Variants in TMEM117 observed in about 807,000 individuals in gnomAD.
The protein encoded by TMEM117 is transmembrane protein 117.
Under a neutral mutation model 52.4 loss-of-function variants are expected in TMEM117, and 27 were observed. The ratio of observed to expected loss-of-function variants is 0.51; its 90% CI spans 0.38 to 0.71. The LOEUF (loss-of-function observed/expected upper bound fraction) is 0.71. TMEM117 is among the 30% of genes least tolerant of loss of function. The pLI is 0.00. For missense variants in TMEM117, 556 were observed against 630.5 expected, an observed-to-expected ratio of 0.88 and a Z score of 1.26; for synonymous variants, 215 against 206.3, an observed-to-expected ratio of 1.04 and a Z score of -0.36.
chr12:44,143,685 G>A lies in TMEM117; in HGVS notation c.510+61G>A, dbSNP rs999043624. The A allele has an allele frequency of 5.0e-6, 6 of 1,194,334 alleles. No homozygotes were observed. In the African/African-American group the frequency reaches 7.6e-5, roughly 15 times the overall value. The allele number at this position is 1,194,334 out of a possible 1,614,324, so 74.0% of individuals were successfully genotyped here. On this transcript the variant is annotated intron_variant, in intron 4 of 7. Transcript: ENST00000266534. ...AAACGGAAGACATGTTCACAGTGTT[G>A]GACAGACACTGCTTTTGATGATGTA... is the stretch of plus-strand genomic sequence containing the variant.
At chr12:43,952,291 T>C (rs914343238) in intron 3 of TMEM117, among the ~76,000 whole-genome samples, 2 of 152,030 alleles carry the variant, frequency 1.3e-5, no homozygotes, top group African/African-American at 4.8e-5. Context: ...GAAGCTGAGA[T>C]GGATGAACTG....
intron 6 of TMEM117, among the ~76,000 whole-genome samples, chr12:44,333,390 G>T (rs985216512): frequency 2.0e-5 from 3 of 151,964 alleles, no homozygotes; most frequent in Non-Finnish European, 4.4e-5. Context: ...AATACATATT[G>T]ATATGGTTTG....
intron 4 of TMEM117, among the ~76,000 whole-genome samples, chr12:44,161,483 T>C (rs112393311): frequency 2.0e-5 from 3 of 152,324 alleles, no homozygotes; most frequent in African/African-American, 7.2e-5. Context: ...TTATTGCTCC[T>C]ATTTCCTTAA....
chr12:44,132,479 T>G (rs1374653888), intron 3 of TMEM117, among the ~76,000 whole-genome samples: 2 of 152,112 alleles, frequency 1.3e-5, no homozygotes, highest in Admixed American at 6.6e-5. Context: ...AGGATCATTT[T>G]TCTCTTTCAT....
the TMEM117 span, chr12:43,806,072 C>A: frequency 1.5e-5 from 23 of 1,516,848 alleles, 1 homozygote; most frequent in Non-Finnish European, 1.9e-5. Context: ...GAAGCAGGAG[C>A]GCGGAGAGGC....
chr12:43,907,091 T>C (rs1230761658), intron 2 of TMEM117, among the ~76,000 whole-genome samples: 1 of 152,104 alleles, frequency 6.6e-6, no homozygotes, highest in Non-Finnish European at 1.5e-5. Context: ...GACTTAAATG[T>C]CCCTGTCTGA....
At chr12:44,219,139 A>G (rs1949756601) in intron 5 of TMEM117, among the ~76,000 whole-genome samples, 1 of 152,204 alleles carries the variant, frequency 6.6e-6, no homozygotes, top group Admixed American at 6.5e-5. Flanking sequence ...GAGTTTATCT[A>G]CTTATGTTCT....
At chr12:44,008,393 C>A (rs1318596897) in intron 3 of TMEM117, among the ~76,000 whole-genome samples, 1 of 152,144 alleles carries the variant, frequency 6.6e-6, no homozygotes, top group African/African-American at 2.4e-5. Context: ...GTAAAGATAT[C>A]TCATAGCTAT....
intron 3 of TMEM117, among the ~76,000 whole-genome samples, chr12:43,949,783 G>C (rs947288822): frequency 2.0e-5 from 3 of 152,268 alleles, no homozygotes; most frequent in African/African-American, 7.2e-5. Flanking sequence ...ACTTAGCACA[G>C]GCAAGCATCA....
intron 3 of TMEM117, among the ~76,000 whole-genome samples, chr12:44,060,489 G>A (rs1019270614): frequency 1.3e-5 from 2 of 152,132 alleles, no homozygotes; most frequent in African/African-American, 4.8e-5. Context: ...AACAGTGCAG[G>A]AAACAGCTAA....
intron 2 of TMEM117, among the ~76,000 whole-genome samples, chr12:43,913,831 GAT>G (rs1391445489): frequency 6.6e-6 from 1 of 152,086 alleles, no homozygotes; most frequent in African/African-American, 2.4e-5. Context: ...CAGAATATAA[GAT>G]ATGTTTTATT....
At chr12:43,872,813 C>A (rs1943729244) in intron 2 of TMEM117, among the ~76,000 whole-genome samples, 4 of 152,108 alleles carry the variant, frequency 2.6e-5, no homozygotes, top group Admixed American at 2.0e-4. Context: ...TTCTTAATAC[C>A]TTAATAGCAA....
chr12:44,094,296 C>CA (rs1947721371), intron 3 of TMEM117, among the ~76,000 whole-genome samples: 1 of 152,016 alleles, frequency 6.6e-6, no homozygotes, highest in Non-Finnish European at 1.5e-5. Flanking sequence ...ATGTCAATGT[C>CA]AAACTTAAAA....
chr12:44,363,117 A>C (rs1951744366), intron 6 of TMEM117, among the ~76,000 whole-genome samples: 1 of 152,196 alleles, frequency 6.6e-6, no homozygotes, highest in Non-Finnish European at 1.5e-5. Context: ...CCATCATGCA[A>C]AAACACTCAT....
chr12:44,204,485 T>C (rs1326242599), intron 4 of TMEM117, among the ~76,000 whole-genome samples: 1 of 152,168 alleles, frequency 6.6e-6, no homozygotes, highest in Non-Finnish European at 1.5e-5. Flanking sequence ...TTAAAATTGC[T>C]GTATTTTCTG....
At chr12:44,122,064 G>C (rs74726951) in intron 3 of TMEM117, among the ~76,000 whole-genome samples, 3 of 82,840 alleles carry the variant, frequency 3.6e-5, no homozygotes, top group African/African-American at 2.0e-4. Context: ...TTTTTTTTTT[G>C]AGACAGAGTC....
chr12:44,027,375 T>C (rs901095976), intron 3 of TMEM117, among the ~76,000 whole-genome samples: 6 of 151,892 alleles, frequency 4.0e-5, no homozygotes, highest in South Asian at 2.1e-4. Flanking sequence ...GGTTTCACCA[T>C]GTTGGCCAGG....
intron 6 of TMEM117, among the ~76,000 whole-genome samples, chr12:44,345,550 G>A (rs1428717429): frequency 1.3e-5 from 2 of 152,048 alleles, no homozygotes; most frequent in Non-Finnish European, 2.9e-5. Context: ...TGTAAAATGT[G>A]GAGCACAAAA....
intron 3 of TMEM117, among the ~76,000 whole-genome samples, chr12:43,954,928 T>G (rs1291928176): frequency 6.6e-6 from 1 of 152,152 alleles, no homozygotes; most frequent in Non-Finnish European, 1.5e-5. Context: ...ATCAAAAAGC[T>G]TATCCACCAC....
Sources: allele counts gnomAD v4.1 joint callset (sites outside exome capture counted in the v4.1 genomes callset), GRCh38; gene constraint gnomAD v4.1.1; transcripts MANE v1.5; gene names NCBI Gene and HGNC (gene_info 2026-07-23, HGNC 2026-07-21).